Variants in CLDND2 observed in about 807,000 individuals in gnomAD.
CLDND2 encodes the protein claudin domain containing 2, also known as claudin domain-containing protein 2.
A neutral mutation model predicts 17.7 loss-of-function variants in CLDND2; 18 were observed. The ratio of observed to expected loss-of-function variants is 1.02; its 90% confidence interval spans 0.70 to 1.51. CLDND2 has a LOEUF of 1.51. Among genes scored for constraint, CLDND2 ranks in the 40% most tolerant of loss-of-function variants. CLDND2 has a pLI of 0.00. For synonymous variants in CLDND2, 113 were observed against 93.0 expected (o/e 1.22, Z -1.24); for missense variants, 233 against 219.6 (o/e 1.06, Z -0.39).
chr19:51,368,596 G>C lies in CLDND2; in HGVS notation c.-19C>G. The C allele has an allele frequency of 1.9e-6, 3 of 1,605,748 alleles. No homozygotes were observed. The highest frequency in any genetic ancestry group is 2.5e-6 in the Non-Finnish European group (3 of 1,176,576). On this transcript the variant is annotated 5_prime_UTR_variant, in exon 1 of 4. Coordinates refer to ENST00000291715, the MANE Select transcript of CLDND2 (RefSeq NM_152353.3). The stretch of plus-strand genomic sequence containing the variant: ...CCCCCATGCCACTGAGGCTGCAGCC[G>C]GGGGCCACAAGGGCAGGATGGGCCC...
rs74538792 is a variant in CLDND2 at position 51,367,903 on chromosome 19, G to A, written c.293C>T (p.Ala98Val). 5.5e-3 allele frequency: 8,820 copies of A among 1,611,940 alleles called. 349 individuals are homozygous for A. In the African/African-American group the frequency reaches 0.093, roughly 17 times the overall value. ...GESLRGQTTS[A>V]FLFLGGLLLL... The stretch of plus-strand genomic sequence containing the variant: ...AGTCTCACCGCCGAGGAAGAGGAAG[G>A]CGCTCGTGGTCTGGCCCCGCAGCGA... The change falls in exon 2 of 4, where the codon GCC (alanine) becomes GTC (valine). Residue 98 changes from alanine (A) to valine (V), a missense_variant. Physicochemically the swap from Ala to Val is moderately conservative, Grantham distance 64. Transcript: ENST00000291715. This position sits in a 1 kb window ranked among gnomAD's most constrained non-coding sequence, Gnocchi z 7.4.
chr19:51,368,104 C>T (rs892934299), intron 1 of CLDND2, 78 bp from the exon 2 acceptor site: 48 of 1,440,404 alleles, frequency 3.3e-5, no homozygotes, highest in Middle Eastern at 1.8e-4. Flanking sequence ...GAAGCTCTCC[C>T]GTCTCCTGCC....
At chr19:51,366,898 A>G (rs1216911115), downstream of CLDND2, among the ~76,000 whole-genome samples, 1 of 151,226 alleles carries the variant, frequency 6.6e-6, no homozygotes, top group Non-Finnish European at 1.5e-5. Flanking sequence ...ACCCTCTCCA[A>G]AGGCCCACGT....
chr19:51,368,301 A>G (rs1376370302), intron 1 of CLDND2, 108 bp downstream of exon 1: 6 of 1,356,020 alleles, frequency 4.4e-6, no homozygotes, highest in South Asian at 2.7e-5. Context: ...GACAGCTGCA[A>G]CTGAGCCCGG....
In CLDND2 at chr19:51,367,990, G is replaced by T. The variant is rs756295215; in HGVS notation, c.206C>A (p.Ala69Glu). The T allele has an allele frequency of 3.3e-5, 53 of 1,611,514 alleles. No individual in the cohort carries two copies. The South Asian group carries it at 5.7e-4, about 17-fold the overall frequency. ...CATGCCCACCACGCCGACACCCACC[G>T]CCAGCACCATGCACGCCACAGTCAC... ...LAVTVACMVLAVGVGVVGMVM... is the reference protein window; with the variant it reads ...LAVTVACMVLEVGVGVVGMVM... The change falls in exon 2 of 4, where the codon GCG becomes GAG. Residue 69 changes from alanine to glutamate, a missense_variant. Ala to Glu is a moderately radical substitution (Grantham distance 107). Transcript: ENST00000291715. The surrounding 1 kb of genome is among the most constrained non-coding windows in gnomAD (Gnocchi z 7.4).
chr19:51,368,408 C>T lies in CLDND2; in HGVS notation c.169+1G>A, dbSNP rs2123632575. 1.9e-6 allele frequency: 3 copies of T among 1,610,442 alleles called. No individual in the cohort carries two copies. Among genetic ancestry groups the T allele is most frequent in the Non-Finnish European group, 2.5e-6 (3 of 1,178,910 alleles). ...TGACATCTGGGCGGGCGGAGCCTCA[C>T]TCTGGCAGGGGATGCTGGAGCAGAT... On this transcript the variant is annotated splice_donor_variant, in intron 1 of 3. Transcript: ENST00000291715. LOFTEE classifies it high-confidence loss of function.
chr19:51,367,397 C>G lies in CLDND2; in HGVS notation c.430+60G>C, dbSNP rs775607963. Reference sequence around the variant, plus strand: ...GTTTCCTGGGAGGGCAGCTGGGGAGCCTCTGGGGTGAGGGTCTTCTGGGCA... The same window carrying G: ...GTTTCCTGGGAGGGCAGCTGGGGAGGCTCTGGGGTGAGGGTCTTCTGGGCA... On this transcript the variant is annotated intron_variant, in intron 3 of 3. Transcript: ENST00000291715. The surrounding 1 kb of genome is among the most constrained non-coding windows in gnomAD (Gnocchi z 7.4). 2.6e-6 allele frequency: 4 copies of G among 1,517,510 alleles called. No homozygotes were observed. The highest frequency in any genetic ancestry group is 3.6e-6 in the Non-Finnish European group (4 of 1,110,282). 94.0% of individuals were successfully genotyped at this position (1,517,510 alleles called of 1,614,324 possible).
Position 51,367,144 on chromosome 19 carries a change from A to G in CLDND2, c.502T>C (p.Ter168ArgextTer?). 6.2e-7 allele frequency: 1 copy of G among 1,614,150 alleles called. No homozygotes were observed. Among genetic ancestry groups the G allele is most frequent in the Non-Finnish European group, 8.5e-7 (1 of 1,179,956 alleles). ...ATTCTGCCCCAGGCAGGCTGCAGTC[A>G]CAGACACACGGGGAATCCACTGATG... ...DAISGFPVCL[*>R] The change falls in exon 4 of 4, where the codon TGA becomes CGA. Residue 168 changes from the stop codon to arginine, a stop_lost. Transcript: ENST00000291715. This position sits in a 1 kb window ranked among gnomAD's most constrained non-coding sequence, Gnocchi z 7.4.
Position 51,367,807 on chromosome 19 carries a change from C to A in CLDND2, c.310+79G>T. On this transcript the variant is annotated intron_variant, in intron 2 of 3. Coordinates refer to ENST00000291715, the MANE Select transcript of CLDND2 (RefSeq NM_152353.3). The surrounding 1 kb of genome is among the most constrained non-coding windows in gnomAD (Gnocchi z 7.4). ...TCGGATCCTGGCCGAGTACCTCAAG[C>A]CCCTCCCCTGGCGACCAGGCCCCTC... The A allele has an allele frequency of 6.5e-7, 1 of 1,548,304 alleles. No homozygotes were observed. The highest frequency in any genetic ancestry group is 8.7e-7 in the Non-Finnish European group (1 of 1,152,916).
In CLDND2 at chr19:51,368,017, G is replaced by A; in HGVS notation, c.179C>T (p.Ala60Val). The A allele has an allele frequency of 6.2e-7, 1 of 1,608,916 alleles. No individual in the cohort carries two copies. Among genetic ancestry groups the A allele is most frequent in the Non-Finnish European group, 8.5e-7 (1 of 1,178,062 alleles). The change falls in exon 2 of 4, where the codon GCG becomes GTG. Residue 60 changes from alanine (A) to valine (V), a missense_variant. By Grantham distance (64) the Ala-to-Val change is moderately conservative. Coordinates refer to ENST00000291715, the MANE Select transcript of CLDND2 (RefSeq NM_152353.3). ...CSSIPCQTTL[A>V]VTVACMVLAV... The stretch of plus-strand genomic sequence containing the variant: ...CAGCACCATGCACGCCACAGTCACC[G>A]CCAGCGTGGCTGGGGAGAGCGGGCG...
rs1475521451 is a variant in CLDND2 at position 51,368,530 on chromosome 19, G to A, written c.48C>T (p.Leu16=). ...SLQSGGILLS[L]VANVLMVLST... Reference sequence around the variant, plus strand: ...AGAGCACCATGAGGACGTTGGCCACGAGGCTGAGCAGAATGCCCCCACTCT... The same window carrying A: ...AGAGCACCATGAGGACGTTGGCCACAAGGCTGAGCAGAATGCCCCCACTCT... The change falls in exon 1 of 4, where the codon CTC becomes CTT. Residue 16 remains leucine, a synonymous_variant. Coordinates refer to ENST00000291715, the MANE Select transcript of CLDND2 (RefSeq NM_152353.3). The A allele has an allele frequency of 6.2e-7, 1 of 1,613,992 alleles. No individual in the cohort carries two copies. Among genetic ancestry groups the A allele is most frequent in the Admixed American group, 1.7e-5 (1 of 60,022 alleles).
At position 51,367,881 on chromosome 19, in the gene CLDND2, C is replaced by T. The variant is rs770641334; in HGVS notation, c.310+5G>A. The stretch of plus-strand genomic sequence containing the variant: ...CTGCCCGCCTGGGGCGGTCTGCAGT[C>T]TCACCGCCGAGGAAGAGGAAGGCGC... On this transcript the variant is annotated splice_donor_5th_base_variant and intron_variant, in intron 2 of 3. Transcript: ENST00000291715. The surrounding 1 kb of genome is among the most constrained non-coding windows in gnomAD (Gnocchi z 7.4). The T allele has an allele frequency of 1.1e-5, 18 of 1,609,668 alleles. No individual in the cohort carries two copies. In the East Asian group the frequency reaches 3.8e-4, roughly 34 times the overall value.
At chr19:51,366,786 C>G (rs1463583439), downstream of CLDND2, among the ~76,000 whole-genome samples, 1 of 152,060 alleles carries the variant, frequency 6.6e-6, no homozygotes, top group Non-Finnish European at 1.5e-5. Context: ...GCGTCGGTCT[C>G]TCCACTCTCT....
chr19:51,368,104 CG>C (rs1458780279), intron 1 of CLDND2, 78 bp from the exon 2 acceptor site: 2 of 1,440,522 alleles, frequency 1.4e-6, no homozygotes, highest in Non-Finnish European at 1.9e-6. Flanking sequence ...GAAGCTCTCC[CG>C]TCTCCTGCCC....
intron 1 of CLDND2, 103 bp from the exon 2 acceptor site, chr19:51,368,129 T>G (rs1486537576): frequency 7.6e-7 from 1 of 1,309,410 alleles, no homozygotes; most frequent in Non-Finnish European, 1.0e-6. Context: ...ACCCGGTGTG[T>G]GGCCAGGAGC....
At chr19:51,368,313 G>A (rs1030672178) in intron 1 of CLDND2, 96 bp downstream of exon 1, 3 of 1,407,054 alleles carry the variant, frequency 2.1e-6, no homozygotes, top group Non-Finnish European at 2.9e-6. Context: ...TGAGCCCGGG[G>A]TGGAAGGGGT....
Position 51,367,952 on chromosome 19 carries a change from G to C in CLDND2, c.244C>G (p.Arg82Gly). ...GACTCGCCCTCGTCGCACCGAATCC[G>C]CAGTCCCATCACCATGCCCACCACG... is the stretch of plus-strand genomic sequence containing the variant. ...VGVVGMVMGL[R>G]IRCDEGESLR... The change falls in exon 2 of 4, where the codon CGG becomes GGG. Residue 82 changes from arginine (R) to glycine (G), a missense_variant. Coordinates refer to ENST00000291715, the MANE Select transcript of CLDND2 (RefSeq NM_152353.3). This position sits in a 1 kb window ranked among gnomAD's most constrained non-coding sequence, Gnocchi z 7.4. 1 of 1,612,794 alleles carries C rather than the reference G, an allele frequency of 6.2e-7. No homozygotes were observed. The highest frequency in any genetic ancestry group is 8.5e-7 in the Non-Finnish European group (1 of 1,179,578).
chr19:51,368,569 C>A lies in CLDND2; in HGVS notation c.9G>T (p.Val3=). 1 of 1,612,792 alleles carries A rather than the reference C, an allele frequency of 6.2e-7. No homozygotes were observed. The change falls in exon 1 of 4, where the codon GTG becomes GTT. Residue 3 remains valine, a synonymous_variant. Transcript: ENST00000291715. ...TGCCCCCACTCTGGAGGCTCCGCTT[C>A]ACCCCCATGCCACTGAGGCTGCAGC... The part of the protein sequence containing the change: MG[V]KRSLQSGGIL...
At chr19:51,366,821 C>T (rs1378095501), downstream of CLDND2, among the ~76,000 whole-genome samples, 1 of 152,092 alleles carries the variant, frequency 6.6e-6, no homozygotes, top group Non-Finnish European at 1.5e-5. Flanking sequence ...CCTGTCCCTT[C>T]CATATCCGTA....
Sources: gnomAD v4.1 joint callset for allele counts (sites outside exome capture counted in the v4.1 genomes callset) on GRCh38, gnomAD v4.1.1 for gene constraint, Gnocchi (gnomAD v3.1) non-coding constraint, MANE v1.5 for transcripts, NCBI Gene and HGNC (gene_info 2026-07-23, HGNC 2026-07-21) for gene names.